Variants in PAQR3 observed in about 807,000 individuals in gnomAD.
The protein encoded by PAQR3 is Raf kinase trapping to Golgi.
Under a neutral mutation model 41.7 loss-of-function variants are expected in PAQR3, and 39 were observed. That is an observed-to-expected ratio of 0.93 (90% CI 0.72 to 1.22). The LOEUF is 1.22. Among genes scored for constraint, PAQR3 ranks in the 50% most tolerant of loss-of-function variants. The pLI is 0.00. For synonymous variants in PAQR3, 140 were observed against 140.6 expected, an observed-to-expected ratio of 1.00 and a Z score of 0.03; for missense variants, 366 against 385.6, an observed-to-expected ratio of 0.95 and a Z score of 0.42.
intron 2 of PAQR3, chr4:78,933,122 C>T (rs1252055751): frequency 6.7e-6 from 3 of 450,984 alleles, no homozygotes; most frequent in Admixed American, 2.4e-5. Flanking sequence ...CTTCTTTTTT[C>T]CTGCTTAAAT....
intron 11 of PAQR3, among the ~76,000 whole-genome samples, chr4:78,897,133 AT>A (rs1385738752): frequency 6.6e-6 from 1 of 152,106 alleles, no homozygotes; most frequent in East Asian, 1.9e-4. Flanking sequence ...AGCATAAGAT[AT>A]TGCTGATGGC....
intron 5 of PAQR3, chr4:78,921,569 A>C (rs72660921): frequency 1.9e-5 from 14 of 748,942 alleles, no homozygotes; most frequent in Admixed American, 6.3e-5. Flanking sequence ...AACACAGAGG[A>C]TTACAACAAA....
At chr4:78,911,152 C>T, downstream of PAQR3, 1 of 1,613,908 alleles carries the variant, frequency 6.2e-7, no homozygotes, top group Non-Finnish European at 8.5e-7. Flanking sequence ...AGTGCGTGCT[C>T]AACAGCCCCA....
rs1735525394 is a variant in PAQR3, at chr4:78,920,313, C to A, written c.*226G>T. Reference sequence around the variant, plus strand: ...TTCAGATGTTTCTTATGATTGCCAACTAATTTTCACTTTCTGTACAAGCAG... The same window carrying A: ...TTCAGATGTTTCTTATGATTGCCAAATAATTTTCACTTTCTGTACAAGCAG... On this transcript the variant is annotated 3_prime_UTR_variant, in exon 6 of 6. Transcript: ENST00000512733. The A allele has an allele frequency of 2.5e-6, 3 of 1,188,556 alleles. No homozygotes were observed. The highest frequency in any genetic ancestry group is 3.1e-6 in the Non-Finnish European group (3 of 960,020). 73.6% of individuals were successfully genotyped at this position (1,188,556 alleles called of 1,614,324 possible).
rs537421805 is a variant in PAQR3, at chr4:78,897,836, G to A, written c.*836+8272C>T. ...AGAGTTTTATCTGAAAATCTAAAAGGATTATTATAAAGATTACAGCCCTTG... is the reference window on the plus strand; with the variant it reads ...AGAGTTTTATCTGAAAATCTAAAAGAATTATTATAAAGATTACAGCCCTTG... On this transcript the variant is annotated intron_variant and NMD_transcript_variant, in intron 11 of 12. Transcript: ENST00000342820. Among the ~76,000 whole-genome samples, 11 of 152,270 alleles carry A rather than the reference G, an allele frequency of 7.2e-5. No individual in the cohort carries two copies. In the South Asian group the frequency reaches 2.1e-3, roughly 29 times the overall value.
chr4:78,926,648 G>A lies in PAQR3; in HGVS notation c.575C>T (p.Pro192Leu). The A allele has an allele frequency of 6.2e-7, 1 of 1,613,940 alleles. No individual in the cohort carries two copies. The highest frequency in any genetic ancestry group is 8.5e-7 in the Non-Finnish European group (1 of 1,179,896). ...ILAVFFAQIH[P>L]NYLTQQWQRL... The stretch of plus-strand genomic sequence containing the variant: ...TTGCCATTGCTGCGTGAGGTAATTG[G>A]GATGAATCTGCGCAAAGAACACTGC... The change falls in exon 4 of 6, where the codon CCC (proline) becomes CTC (leucine). Residue 192 changes from proline to leucine, a missense_variant. Pro to Leu is a moderately conservative substitution (Grantham distance 98, BLOSUM62 -3). Coordinates refer to ENST00000512733, the MANE Select transcript of PAQR3 (RefSeq NM_001040202.2).
intron 11 of PAQR3, among the ~76,000 whole-genome samples, chr4:78,898,040 G>A (rs2110089603): frequency 6.6e-6 from 1 of 152,276 alleles, no homozygotes; most frequent in Middle Eastern, 3.4e-3. Context: ...TGTTACTTAT[G>A]GTTAAGCCCT....
chr4:78,932,737 T>C (rs1355316551), intron 2 of PAQR3, among the ~76,000 whole-genome samples: 1 of 152,048 alleles, frequency 6.6e-6, no homozygotes, highest in Non-Finnish European at 1.5e-5. Flanking sequence ...AAAAAGAAAC[T>C]ATGGTATCCA....
chr4:78,911,679 C>T (rs776706831), downstream of PAQR3: 50 of 1,613,778 alleles, frequency 3.1e-5, no homozygotes, highest in South Asian at 2.5e-4. Context: ...CCAAGGAGAA[C>T]ATTAGTGTTG....
chr4:78,919,934 AG>A lies in PAQR3; in HGVS notation c.*604del. Reference sequence around the variant, plus strand: ...AACCCTTCTCTCAACTTACTGCAGAAGTTTAAAGCTTTTGTTCTGGAAAACT... The same window carrying A: ...AACCCTTCTCTCAACTTACTGCAGAATTTAAAGCTTTTGTTCTGGAAAACT... On this transcript the variant is annotated 3_prime_UTR_variant, in exon 6 of 6. Coordinates refer to ENST00000512733, the MANE Select transcript of PAQR3 (RefSeq NM_001040202.2). 2 of 985,244 alleles carry A rather than the reference AG, an allele frequency of 2.0e-6. No homozygotes were observed. Among genetic ancestry groups the A allele is most frequent in the Non-Finnish European group, 2.4e-6 (2 of 829,500 alleles). The allele number at this position is 985,244 out of a possible 1,614,324, so 61.0% of individuals were successfully genotyped here.
downstream of PAQR3, chr4:78,910,728 C>T: frequency 6.2e-7 from 1 of 1,613,630 alleles, no homozygotes; most frequent in Non-Finnish European, 8.5e-7. Flanking sequence ...GAAAGAAAAC[C>T]TCAGTACAGG....
At chr4:78,887,383 C>A in intron 12 of PAQR3, 1 of 818,306 alleles carries the variant, frequency 1.2e-6, no homozygotes, top group South Asian at 1.6e-5. Flanking sequence ...TGTTAGTTAG[C>A]TACAGAAAGT....
chr4:78,915,860 CTA>C lies in PAQR3; in HGVS notation c.*4677_*4678del, dbSNP rs1437309268. On this transcript the variant is annotated 3_prime_UTR_variant, in exon 6 of 6. Coordinates refer to ENST00000512733, the MANE Select transcript of PAQR3 (RefSeq NM_001040202.2). The stretch of plus-strand genomic sequence containing the variant: ...ACTTTTGAAAGAATTGTTTTTATGA[CTA>C]TGCTCTTTTTGTGATTGAAAAGTCA... 2.0e-5 allele frequency: 3 copies of C among 151,934 alleles called. No homozygotes were observed. Among genetic ancestry groups the C allele is most frequent in the Admixed American group, 1.3e-4 (2 of 15,234 alleles). The allele number at this position is 151,934 out of a possible 1,614,324, so 9.4% of individuals were successfully genotyped here.
intron 11 of PAQR3, among the ~76,000 whole-genome samples, chr4:78,900,580 A>G (rs1733947204): frequency 6.6e-6 from 1 of 152,240 alleles, no homozygotes; most frequent in Non-Finnish European, 1.5e-5. Flanking sequence ...TAATTCATGT[A>G]TTCACAGTCT....
At chr4:78,924,438 C>T (rs1735987118) in intron 4 of PAQR3, among the ~76,000 whole-genome samples, 2 of 152,126 alleles carry the variant, frequency 1.3e-5, no homozygotes, top group African/African-American at 4.8e-5. Context: ...ATCCAGCAAG[C>T]TATCCTTATA....
chr4:78,908,737 T>C (rs981418566), downstream of PAQR3, among the ~76,000 whole-genome samples: 7 of 152,318 alleles, frequency 4.6e-5, no homozygotes, highest in Non-Finnish European at 8.8e-5. Context: ...TCCAACTTAC[T>C]CATTTTTTAA....
chr4:78,927,010 T>C (rs1332979741), intron 3 of PAQR3, among the ~76,000 whole-genome samples: 2 of 152,142 alleles, frequency 1.3e-5, no homozygotes, highest in Admixed American at 6.5e-5. Context: ...AAAGCAAAGA[T>C]GACTATGACA....
chr4:78,906,265 G>A (rs1399300974), intron 10 of PAQR3: 2 of 152,118 alleles, frequency 1.3e-5, no homozygotes, highest in African/African-American at 4.8e-5. Context: ...AAAGTGTAGA[G>A]TGAAATATTT....
downstream of PAQR3, among the ~76,000 whole-genome samples, chr4:78,907,220 T>G (rs1171776646): frequency 6.6e-6 from 1 of 152,164 alleles, no homozygotes; most frequent in Non-Finnish European, 1.5e-5. Context: ...ACCCACAGAT[T>G]TATACCCACA....
Sources: allele counts gnomAD v4.1 joint callset (sites outside exome capture counted in the v4.1 genomes callset), GRCh38; gene constraint gnomAD v4.1.1; transcripts MANE v1.5; gene names NCBI Gene and HGNC (gene_info 2026-07-23, HGNC 2026-07-21).